The following GPR39 variants were observed in gnomAD, a reference collection of about 807,000 sequenced individuals.
GPR39 encodes the protein zinc sensing receptor.
In GPR39, 23 loss-of-function variants were observed where a neutral mutation model predicts 18.4. The ratio of observed to expected loss-of-function variants is 1.25; its 90% CI spans 0.90 to 1.77. The LOEUF is 1.77. Ranked by LOEUF, GPR39 falls within the 40% of genes most tolerant of loss-of-function variation. The pLI is 0.00. For synonymous variants in GPR39, 280 were observed against 257.9 expected, an observed-to-expected ratio of 1.09 and a Z score of -0.82; for missense variants, 647 against 602.4, an observed-to-expected ratio of 1.07 and a Z score of -0.78.
intron 1 of GPR39, among the ~76,000 whole-genome samples, chr2:132,478,351 A>G (rs895059451): frequency 2.0e-5 from 3 of 152,270 alleles, no homozygotes; most frequent in Admixed American, 1.3e-4. Context: ...ATCTGGCAAA[A>G]TAATCCATTG....
chr2:132,483,414 G>T (rs1681272021), intron 1 of GPR39, among the ~76,000 whole-genome samples: 1 of 152,230 alleles, frequency 6.6e-6, no homozygotes, highest in Non-Finnish European at 1.5e-5. Context: ...CACGAATGTT[G>T]GGCAGGCTGG....
chr2:132,573,068 T>A (rs1680468556), intron 1 of GPR39, among the ~76,000 whole-genome samples: 1 of 152,124 alleles, frequency 6.6e-6, no homozygotes. Context: ...GGGCTGTATG[T>A]CCCATCATTG....
At chr2:132,427,055 A>AAT (rs981631036) in intron 1 of GPR39, among the ~76,000 whole-genome samples, 39 of 145,836 alleles carry the variant, frequency 2.7e-4, no homozygotes, top group East Asian at 1.0e-3. Context: ...AAGTCATTTG[A>AAT]ATATATATAT....
At chr2:132,631,164 G>A (rs1369386498) in intron 1 of GPR39, among the ~76,000 whole-genome samples, 3 of 152,202 alleles carry the variant, frequency 2.0e-5, no homozygotes, top group Non-Finnish European at 4.4e-5. Flanking sequence ...CGATTATCAA[G>A]TGAGATAACA....
At chr2:132,570,448 C>A (rs754059806) in intron 1 of GPR39, among the ~76,000 whole-genome samples, 3 of 152,122 alleles carry the variant, frequency 2.0e-5, no homozygotes, top group South Asian at 2.1e-4. Context: ...GTCCATAATT[C>A]CATATCCCCC....
At chr2:132,470,119 A>G (rs1319989121) in intron 1 of GPR39, among the ~76,000 whole-genome samples, 2 of 152,158 alleles carry the variant, frequency 1.3e-5, no homozygotes, top group African/African-American at 4.8e-5. Flanking sequence ...ACAGGTGGAT[A>G]TGGCCACCTC....
intron 1 of GPR39, among the ~76,000 whole-genome samples, chr2:132,580,209 T>G (rs1164428805): frequency 2.6e-5 from 4 of 152,240 alleles, no homozygotes; most frequent in Non-Finnish European, 5.9e-5. Context: ...CAGGATTGTT[T>G]TAAGAATCAA....
intron 1 of GPR39, among the ~76,000 whole-genome samples, chr2:132,579,766 G>C (rs961575943): frequency 6.6e-6 from 1 of 151,988 alleles, no homozygotes; most frequent in Non-Finnish European, 1.5e-5. Context: ...TTTGGAGTCT[G>C]TTGACAAATT....
At chr2:132,612,212 ATT>A (rs1681250222) in intron 1 of GPR39, among the ~76,000 whole-genome samples, 2 of 152,132 alleles carry the variant, frequency 1.3e-5, no homozygotes, top group African/African-American at 4.8e-5. Flanking sequence ...GTAGAATCAA[ATT>A]GAAATTTGCT....
chr2:132,634,579 T>A (rs1181449281), intron 1 of GPR39, among the ~76,000 whole-genome samples: 1 of 152,232 alleles, frequency 6.6e-6, no homozygotes, highest in Non-Finnish European at 1.5e-5. Context: ...CAGATTTTAT[T>A]CCCTGAGGCC....
At position 132,417,812 on chromosome 2, in the gene GPR39, T is replaced by G; in HGVS notation, c.770T>G (p.Leu257Arg). Residue 257 changes from leucine to arginine, a missense_variant, in exon 1 of 2, where the codon CTG becomes CGG. By Grantham distance (102) the Leu-to-Arg change is moderately radical. Around this residue, in one of 3 missense-constraint regions of GPR39, gnomAD observed 581 missense variants for 506.8 expected, o/e 1.15. Transcript: ENST00000329321. ...QVLMKSQKGS[L>R]AGGTRPPQLR... ...CTCATGAAAAGCCAGAAGGGCTCGC[T>G]GGCCGGGGGCACGCGGCCTCCGCAG... 1 of 1,614,024 alleles carries G rather than the reference T, an allele frequency of 6.2e-7. No individual in the cohort carries two copies. The highest frequency in any genetic ancestry group is 8.5e-7 in the Non-Finnish European group (1 of 1,180,028).
intron 1 of GPR39, among the ~76,000 whole-genome samples, chr2:132,473,325 A>G (rs1265653612): frequency 4.6e-5 from 7 of 152,142 alleles, no homozygotes; most frequent in African/African-American, 1.4e-4. Context: ...TCCACCATGT[A>G]TGTGTTCTCT....
intron 1 of GPR39, among the ~76,000 whole-genome samples, chr2:132,453,097 A>G (rs1680659225): frequency 6.6e-6 from 1 of 152,196 alleles, no homozygotes; most frequent in Non-Finnish European, 1.5e-5. Flanking sequence ...ACTCCCACCA[A>G]CAGTGTAAAA....
chr2:132,645,422 T>G lies in GPR39; in HGVS notation c.1178T>G (p.Leu393Arg). The change falls in exon 2 of 2, where the codon CTC becomes CGC. Residue 393 changes from leucine to arginine, a missense_variant. Physicochemically the swap from Leu to Arg is moderately radical, Grantham distance 102 (BLOSUM62 -2). Transcript: ENST00000329321. ...GCCCGCTTTGTGCAGCGCCCGTTGC[T>G]CTTCGCGTCCCGGCGCCAGTCCTCT... is the stretch of plus-strand genomic sequence containing the variant. ...DSARFVQRPLLFASRRQSSAR... is the reference protein window; with the variant it reads ...DSARFVQRPLRFASRRQSSAR... The G allele has an allele frequency of 6.2e-7, 1 of 1,613,480 alleles. No individual in the cohort carries two copies. Among genetic ancestry groups the G allele is most frequent in the African/African-American group, 1.3e-5 (1 of 74,994 alleles).
intron 1 of GPR39, among the ~76,000 whole-genome samples, chr2:132,565,544 T>TC (rs1473417123): frequency 6.3e-4 from 49 of 77,216 alleles, no homozygotes; most frequent in Non-Finnish European, 1.1e-3. Context: ...ATGCCATCCC[T>TC]CCCCCCTCCC....
At chr2:132,533,333 A>G (rs971161151) in intron 1 of GPR39, among the ~76,000 whole-genome samples, 2 of 151,826 alleles carry the variant, frequency 1.3e-5, no homozygotes, top group African/African-American at 4.8e-5. Context: ...CCACTGCTCA[A>G]TGAAATAAAA....
At position 132,553,351 on chromosome 2, in the gene GPR39, ATATATATG is replaced by A. The variant is rs143414095; in HGVS notation, c.857-91732_857-91725del. Among the ~76,000 whole-genome samples the A allele has an allele frequency of 3.0e-3, 445 of 149,182 alleles. 3 individuals are homozygous for A. Among genetic ancestry groups the A allele is most frequent in the East Asian group, 0.016 (81 of 4,938 alleles). Reference sequence around the variant, plus strand: ...TGTGTGTGTGTATGTATATGTGTATATATATATGTATATATGTATATATGTGTGTATAT... The same window carrying A: ...TGTGTGTGTGTATGTATATGTGTATATATATATGTATATATGTGTGTATAT... On this transcript the variant is annotated intron_variant, in intron 1 of 1. Coordinates refer to ENST00000329321, the MANE Select transcript of GPR39 (RefSeq NM_001508.3).
At chr2:132,600,195 G>A (rs544799857) in intron 1 of GPR39, among the ~76,000 whole-genome samples, 18 of 152,320 alleles carry the variant, frequency 1.2e-4, no homozygotes, top group South Asian at 2.1e-4. Flanking sequence ...AACATTTCTC[G>A]TAATGAATGA....
chr2:132,429,732 G>A (rs778026362), intron 1 of GPR39, among the ~76,000 whole-genome samples: 13 of 152,240 alleles, frequency 8.5e-5, no homozygotes, highest in Non-Finnish European at 1.8e-4. Context: ...CTCTACATTG[G>A]TGCATTCTGA....
Sources: allele counts gnomAD v4.1 joint callset (sites outside exome capture counted in the v4.1 genomes callset), GRCh38; gene constraint gnomAD v4.1.1; regional missense constraint gnomAD v4.1.1; transcripts MANE v1.5; gene names NCBI Gene and HGNC (gene_info 2026-07-23, HGNC 2026-07-21).